The following STAB2 variants were observed in gnomAD, a reference collection of about 807,000 sequenced individuals.
The protein encoded by STAB2 is stabilin 2, also known as stabilin-2.
STAB2 carries 288 observed loss-of-function variants against 338.1 expected under a neutral mutation model. That is an observed-to-expected ratio of 0.85 (90% confidence interval 0.77 to 0.94). STAB2 has a LOEUF of 0.94. STAB2 is among the 40% of genes least tolerant of loss of function. STAB2 has a pLI of 0.00. For synonymous variants in STAB2, 1,202 were observed against 1,193.3 expected, an observed-to-expected ratio of 1.01 and a Z score of -0.15; for missense variants, 3,141 against 3,210.1, an observed-to-expected ratio of 0.98 and a Z score of 0.52.
intron 6 of STAB2, among the ~76,000 whole-genome samples, chr12:103,636,186 A>C (rs369530874): frequency 7.8e-4 from 114 of 146,258 alleles, no homozygotes; most frequent in African/African-American, 2.5e-3. Flanking sequence ...TCCTAATGCT[A>C]TCCATCCCCC....
intron 44 of STAB2, among the ~76,000 whole-genome samples, chr12:103,718,734 G>T (rs1454043739): frequency 6.6e-6 from 1 of 152,162 alleles, no homozygotes; most frequent in Non-Finnish European, 1.5e-5. Context: ...ATAACTCAAG[G>T]TATTTAACTA....
At chr12:103,713,509 G>T in intron 41 of STAB2, 134 bp from the exon 42 acceptor site, 1 of 1,324,844 alleles carries the variant, frequency 7.5e-7, no homozygotes, top group Non-Finnish European at 1.0e-6. Context: ...CTGTTTTTGG[G>T]AATTGGCCAT....
In STAB2 at chr12:103,695,785, T is replaced by G. The variant is rs777861756; in HGVS notation, c.3523T>G (p.Phe1175Val). ...AIEAADAYTV[F>V]APNNNAIENY... ...TGAGGCTGCCGATGCCTACACAGTG[T>G]TTGCTCCAAACAACAATGCCATCGA... Residue 1175 changes from phenylalanine to valine, a missense_variant, in exon 33 of 69, where the codon TTT becomes GTT. Physicochemically the swap from Phe to Val is conservative, Grantham distance 50. Transcript: ENST00000388887. 6.2e-7 allele frequency: 1 copy of G among 1,614,190 alleles called. No homozygotes were observed. The highest frequency in any genetic ancestry group is 8.5e-7 in the Non-Finnish European group (1 of 1,180,034).
At chr12:103,636,204 C>G (rs536811079) in intron 6 of STAB2, among the ~76,000 whole-genome samples, 2 of 135,404 alleles carry the variant, frequency 1.5e-5, no homozygotes, top group Non-Finnish European at 3.2e-5. Context: ...CCCCTCCCCC[C>G]ACCCCACAAC....
intron 5 of STAB2, among the ~76,000 whole-genome samples, chr12:103,624,683 G>C (rs994681164): frequency 8.5e-5 from 13 of 152,192 alleles, no homozygotes; most frequent in Admixed American, 7.9e-4. Context: ...GCTCACGCCT[G>C]TAATCCCAAC....
chr12:103,685,640 T>C (rs949143242), intron 27 of STAB2, among the ~76,000 whole-genome samples: 1 of 152,156 alleles, frequency 6.6e-6, no homozygotes, highest in Admixed American at 6.5e-5. Context: ...CCCAACACCC[T>C]TCAGCTCCAG....
chr12:103,745,773 G>A (rs894971702), intron 57 of STAB2, among the ~76,000 whole-genome samples: 5 of 152,338 alleles, frequency 3.3e-5, no homozygotes, highest in African/African-American at 1.2e-4. Flanking sequence ...CGCAAGGATT[G>A]CTGGCAGGGT....
At chr12:103,609,510 A>G (rs954986629) in intron 3 of STAB2, among the ~76,000 whole-genome samples, 2 of 152,176 alleles carry the variant, frequency 1.3e-5, no homozygotes, top group African/African-American at 4.8e-5. Context: ...GAGTATAAGA[A>G]TGCTTGTGAT....
At chr12:103,720,709 G>A (rs1593281471) in intron 44 of STAB2, among the ~76,000 whole-genome samples, 1 of 152,304 alleles carries the variant, frequency 6.6e-6, no homozygotes, top group African/African-American at 2.4e-5. Flanking sequence ...AGTCCAAACT[G>A]TTTTAGTTCA....
intron 20 of STAB2, chr12:103,669,321 AGT>A (rs1875491897): frequency 2.0e-6 from 1 of 495,908 alleles, no homozygotes; most frequent in Non-Finnish European, 3.6e-6. Context: ...CTGTTCGCAC[AGT>A]GTTAGAGCCA....
intron 58 of STAB2, among the ~76,000 whole-genome samples, chr12:103,747,272 G>A (rs528611510): frequency 6.6e-6 from 1 of 152,280 alleles, no homozygotes; most frequent in East Asian, 1.9e-4. Context: ...CTCTATAGTA[G>A]TTAGGATATA....
At chr12:103,727,401 T>A in intron 47 of STAB2, 51 bp downstream of exon 47, 1 of 1,591,462 alleles carries the variant, frequency 6.3e-7, no homozygotes, top group Non-Finnish European at 8.6e-7. Context: ...TGGAACATAG[T>A]CCTTGGGCCT....
intron 3 of STAB2, among the ~76,000 whole-genome samples, chr12:103,600,266 A>G (rs1956934702): frequency 6.6e-6 from 1 of 152,114 alleles, no homozygotes; most frequent in African/African-American, 2.4e-5. Context: ...TTTTCTCATG[A>G]TTGTCTGCCT....
At chr12:103,617,194 T>A (rs1957224324) in intron 3 of STAB2, among the ~76,000 whole-genome samples, 1 of 152,156 alleles carries the variant, frequency 6.6e-6, no homozygotes. Flanking sequence ...AGTCCATCAA[T>A]CAGTATTACC....
At chr12:103,681,788 A>AT (rs1466672502) in intron 25 of STAB2, among the ~76,000 whole-genome samples, 28 of 151,320 alleles carry the variant, frequency 1.9e-4, no homozygotes, top group African/African-American at 5.8e-4. Flanking sequence ...CACCCAGCTA[A>AT]TTTTTGTATT....
At chr12:103,653,007 C>T (rs550887577) in intron 12 of STAB2, among the ~76,000 whole-genome samples, 4 of 152,260 alleles carry the variant, frequency 2.6e-5, no homozygotes, top group Non-Finnish European at 5.9e-5. Flanking sequence ...TTGCTATAAA[C>T]CTGTTTCCTG....
At chr12:103,712,320 A>G in intron 40 of STAB2, 47 bp from the exon 41 acceptor site, 1 of 1,397,570 alleles carries the variant, frequency 7.2e-7, no homozygotes, top group Non-Finnish European at 1.0e-6. Context: ...ATGTGGTGGG[A>G]GGTGGAGTAT....
intron 45 of STAB2, among the ~76,000 whole-genome samples, chr12:103,725,781 T>G (rs1881151648): frequency 6.6e-6 from 1 of 152,264 alleles, no homozygotes; most frequent in Non-Finnish European, 1.5e-5. Flanking sequence ...TGATCAAATA[T>G]TGTTACTAGA....
intron 13 of STAB2, 78 bp from the exon 14 acceptor site, chr12:103,655,173 T>C: frequency 1.5e-6 from 2 of 1,344,880 alleles, no homozygotes; most frequent in East Asian, 2.3e-5. Flanking sequence ...CTGTCATCAG[T>C]CTTTAAATGT....
Sources: gnomAD v4.1 joint callset for allele counts (sites outside exome capture counted in the v4.1 genomes callset) on GRCh38, gnomAD v4.1.1 for gene constraint, MANE v1.5 for transcripts, NCBI Gene and HGNC (gene_info 2026-07-23, HGNC 2026-07-21) for gene names.